TXNRD2: variants seen among roughly 807,000 people sequenced by gnomAD.
The protein encoded by TXNRD2 is thioredoxin reductase 2, mitochondrial.
In TXNRD2, 67 loss-of-function variants were observed where a neutral mutation model predicts 70.8. The ratio of observed to expected loss-of-function variants is 0.95; its 90% confidence interval spans 0.78 to 1.16. The LOEUF is 1.16. TXNRD2 is among the 50% of genes most tolerant of loss of function. The pLI is 0.00. For synonymous variants in TXNRD2, 301 were observed against 295.8 expected, an observed-to-expected ratio of 1.02 and a Z score of -0.18; for missense variants, 644 against 719.9, an observed-to-expected ratio of 0.89 and a Z score of 1.21.
At chr22:19,885,674 C>G (rs1938996570) in intron 11 of TXNRD2, among the ~76,000 whole-genome samples, 1 of 152,224 alleles carries the variant, frequency 6.6e-6, no homozygotes, top group Non-Finnish European at 1.5e-5. Context: ...AACCTGGTGT[C>G]CAGCCCACCA....
chr22:19,909,249 T>C (rs73877401), intron 8 of TXNRD2, among the ~76,000 whole-genome samples: 5,220 of 151,544 alleles, frequency 0.034, 131 homozygotes, highest in South Asian at 0.088. Flanking sequence ...TTTTATACTA[T>C]GTCTGTTTTA....
At chr22:19,937,948 C>G (rs1334510625) in intron 1 of TXNRD2, 1 of 152,196 alleles carries the variant, frequency 6.6e-6, no homozygotes, top group Non-Finnish European at 1.5e-5. Context: ...TCAAGCAGTC[C>G]CAACGCAGCC....
intron 3 of TXNRD2, 99 bp downstream of exon 3, chr22:19,919,444 G>A: frequency 9.3e-7 from 1 of 1,073,812 alleles, no homozygotes; most frequent in Non-Finnish European, 1.4e-6. Flanking sequence ...TGGACAGCAG[G>A]GCTGAAGGAC....
chr22:19,930,779 C>A (rs1335285269), intron 2 of TXNRD2, among the ~76,000 whole-genome samples: 1 of 152,150 alleles, frequency 6.6e-6, no homozygotes, highest in African/African-American at 2.4e-5. Flanking sequence ...GGGGCTGTCA[C>A]TGTGAGTAAA....
chr22:19,937,911 G>C (rs182688746), intron 1 of TXNRD2: 1 of 152,238 alleles, frequency 6.6e-6, no homozygotes. Flanking sequence ...GGACACCTCG[G>C]ACTCAGACCA....
At position 19,878,152 on chromosome 22, in the gene TXNRD2, C is replaced by T. The variant is rs1242700354; in HGVS notation, c.1383G>A (p.Leu461=). 3.1e-6 allele frequency: 5 copies of T among 1,613,256 alleles called. No individual in the cohort carries two copies. Among genetic ancestry groups the T allele is most frequent in the Non-Finnish European group, 4.2e-6 (5 of 1,180,032 alleles). The change falls in exon 16 of 18, where the codon CTG becomes CTA. Residue 461 remains leucine (L), a synonymous_variant. Coordinates refer to ENST00000400521, the MANE Select transcript of TXNRD2 (RefSeq NM_006440.5). ...CGTTGGGGCCAAGGAAATGCAGGCC[C>T]AGCACCAGCTGTGGGGGCTCCCTCA... ...VCLREPPQLV[L]GLHFLGPNAG... is the part of the protein sequence containing the mutation.
intron 11 of TXNRD2, among the ~76,000 whole-genome samples, chr22:19,885,834 C>T (rs2073750): frequency 0.33 from 50,887 of 152,160 alleles, 10,171 homozygotes; most frequent in African/African-American, 0.55. Context: ...ATGGCAACTA[C>T]AGACCTTGCA....
intron 1 of TXNRD2, among the ~76,000 whole-genome samples, chr22:19,936,740 T>G (rs1941551740): frequency 6.6e-6 from 1 of 152,130 alleles, no homozygotes; most frequent in African/African-American, 2.4e-5. Flanking sequence ...CCAATGCCCC[T>G]TTCTCACACT....
intron 1 of TXNRD2, among the ~76,000 whole-genome samples, chr22:19,940,094 A>C (rs1455862503): frequency 6.6e-6 from 1 of 152,016 alleles, no homozygotes; most frequent in East Asian, 1.9e-4. Context: ...ATACAAAAAA[A>C]ATTAGCCAGG....
intron 8 of TXNRD2, chr22:19,903,072 C>T (rs1939849444): frequency 2.9e-5 from 15 of 517,668 alleles, no homozygotes; most frequent in South Asian, 2.0e-4. Context: ...CAGCAGCAGG[C>T]TGGTGGAGCA....
chr22:19,919,385 A>G (rs1408923318), intron 3 of TXNRD2, among the ~76,000 whole-genome samples, 158 bp downstream of exon 3: 1 of 150,568 alleles, frequency 6.6e-6, no homozygotes. Context: ...GATAATGGTC[A>G]AGAACTTTAA....
At chr22:19,937,167 C>T (rs962044739) in intron 1 of TXNRD2, among the ~76,000 whole-genome samples, 6 of 152,154 alleles carry the variant, frequency 3.9e-5, no homozygotes, top group African/African-American at 1.4e-4. Context: ...GGCCCGCCTG[C>T]AGGCTCAGCT....
chr22:19,895,023 A>C, intron 11 of TXNRD2: 1 of 1,541,570 alleles, frequency 6.5e-7, no homozygotes, highest in South Asian at 1.2e-5. Flanking sequence ...CTGGAAGGTG[A>C]CAAGTAGGAT....
In TXNRD2 at chr22:19,923,558, G is replaced by A. The variant is rs546993399; in HGVS notation, c.173-3959C>T. On this transcript the variant is annotated intron_variant, in intron 2 of 17. Transcript: ENST00000400521. ...TCCCAGCATTTTGGGAGGCCGAGGC[G>A]GGCAGATCACCTGAGGTCAGGAGTT... Among the ~76,000 whole-genome samples, 17 of 152,226 alleles carry A rather than the reference G, an allele frequency of 1.1e-4. No individual in the cohort carries two copies. In the East Asian group the frequency reaches 2.5e-3, roughly 22 times the overall value.
intron 1 of TXNRD2, among the ~76,000 whole-genome samples, chr22:19,931,302 G>A (rs982307222): frequency 1.2e-4 from 19 of 152,174 alleles, no homozygotes; most frequent in African/African-American, 2.4e-4. Context: ...GGCCGTGGGC[G>A]TGTGTGATCA....
intron 8 of TXNRD2, among the ~76,000 whole-genome samples, chr22:19,905,967 A>AC (rs1939993818): frequency 6.6e-6 from 1 of 152,156 alleles, no homozygotes; most frequent in African/African-American, 2.4e-5. Flanking sequence ...TGAACATGCA[A>AC]TAAATCAAAA....
rs374068797 is a variant in TXNRD2 at position 19,915,786 on chromosome 22, G to A, written c.507C>T (p.Gly169=). Residue 169 remains glycine (G), a synonymous_variant, in exon 6 of 18, where the codon GGC becomes GGT. Coordinates refer to ENST00000400521, the MANE Select transcript of TXNRD2 (RefSeq NM_006440.5). ...TCACCTCTTTCCCACCTTTGGCAAC[G>A]CCGCAAACCGTGTGCTCGTCAACAA... ...ASFVDEHTVC[G]VAKGGKEILL... is the part of the protein sequence containing the mutation. 34 of 1,614,092 alleles carry A rather than the reference G, an allele frequency of 2.1e-5. No homozygotes were observed. The highest frequency in any genetic ancestry group is 2.8e-5 in the Non-Finnish European group (33 of 1,180,030).
chr22:19,919,582 T>C lies in TXNRD2; in HGVS notation c.190A>G (p.Lys64Glu). ...TCCACGTAGTCCACCACGGCCACCT[T>C]CCTTCCCAGCTGGGCGGCTGGAAGG... ...CAKEAAQLGR[K>E]VAVVDYVEPS... Residue 64 changes from lysine to glutamate, a missense_variant, in exon 3 of 18, where the codon AAG becomes GAG. Physicochemically the swap from Lys to Glu is moderately conservative, Grantham distance 56 (BLOSUM62 1). Transcript: ENST00000400521. The C allele has an allele frequency of 6.4e-7, 1 of 1,562,874 alleles. No homozygotes were observed. Among genetic ancestry groups the C allele is most frequent in the Non-Finnish European group, 8.7e-7 (1 of 1,154,474 alleles).
intron 1 of TXNRD2, chr22:19,932,421 T>G: frequency 6.2e-7 from 1 of 1,612,266 alleles, no homozygotes. Context: ...CTGCAAAAGG[T>G]GTCATCGTGT....
Sources: gnomAD v4.1 joint callset for allele counts (sites outside exome capture counted in the v4.1 genomes callset) on GRCh38, gnomAD v4.1.1 for gene constraint, MANE v1.5 for transcripts, NCBI Gene and HGNC (gene_info 2026-07-23, HGNC 2026-07-21) for gene names.